Variants in SLC4A4 observed in about 807,000 individuals in gnomAD.
SLC4A4 encodes the protein electrogenic sodium bicarbonate cotransporter 1.
A neutral mutation model predicts 111.5 loss-of-function variants in SLC4A4; 27 were observed. The observed-to-expected ratio is 0.24, with a 90% confidence interval of 0.18 to 0.33. The LOEUF is 0.33. Ranked by LOEUF, SLC4A4 falls within the 10% of genes least tolerant of loss-of-function variation. SLC4A4 has a pLI of 1.00. For synonymous variants in SLC4A4, 443 were observed against 463.4 expected, an observed-to-expected ratio of 0.96 and a Z score of 0.57; for missense variants, 909 against 1,315.5, an observed-to-expected ratio of 0.69 and a Z score of 4.78.
intron 7 of SLC4A4, among the ~76,000 whole-genome samples, chr4:71,413,698 G>T (rs1721596282): frequency 1.3e-5 from 2 of 152,294 alleles, no homozygotes; most frequent in African/African-American, 4.8e-5. Context: ...GGCGCTTGTT[G>T]CTGTTCTAGA....
intron 8 of SLC4A4, 62 bp downstream of exon 8, chr4:71,440,835 G>T: frequency 6.4e-7 from 1 of 1,560,088 alleles, no homozygotes; most frequent in East Asian, 2.2e-5. Flanking sequence ...TCCCATTCAG[G>T]CTGGAGAATC....
At chr4:71,074,615 G>C (rs1361465637) in intron 1 of SLC4A4, among the ~76,000 whole-genome samples, 4 of 151,502 alleles carry the variant, frequency 2.6e-5, no homozygotes, top group Admixed American at 6.6e-5. Context: ...AAGGAAAGAG[G>C]AAAGGAAGAA....
chr4:71,367,892 T>C (rs991121399), intron 6 of SLC4A4, among the ~76,000 whole-genome samples: 6 of 152,214 alleles, frequency 3.9e-5, no homozygotes, highest in African/African-American at 1.4e-4. Context: ...AATGATTCAC[T>C]TTAAACCTTG....
chr4:71,146,207 C>T (rs891167721), intron 2 of SLC4A4, among the ~76,000 whole-genome samples: 50 of 152,144 alleles, frequency 3.3e-4, no homozygotes, highest in African/African-American at 1.1e-3. Context: ...TATTATGTAC[C>T]CAGTAGTCAT....
In SLC4A4 at chr4:71,357,081, G is replaced by C. The variant is rs1272352669; in HGVS notation, c.624G>C (p.Leu208Phe). 3.7e-6 allele frequency: 6 copies of C among 1,614,066 alleles called. No homozygotes were observed. The highest frequency in any genetic ancestry group is 5.1e-6 in the Non-Finnish European group (6 of 1,179,986). ...PELKDKVTYT[L>F]LRKHRHQTKK... Reference sequence around the variant, plus strand: ...TTAAGGATAAGGTGACCTATACTTTGCTCCGGAAGCACCGGCATCAAACCA... The same window carrying C: ...TTAAGGATAAGGTGACCTATACTTTCCTCCGGAAGCACCGGCATCAAACCA... Residue 208 changes from leucine (L) to phenylalanine (F), a missense_variant, in exon 6 of 26, where the codon TTG (leucine) becomes TTC (phenylalanine). Leu to Phe is a conservative substitution (Grantham distance 22). Around this residue, in one of 7 missense-constraint regions of SLC4A4, gnomAD observed 312 missense variants for 402.0 expected, o/e 0.78. Transcript: ENST00000264485.
intron 3 of SLC4A4, among the ~76,000 whole-genome samples, chr4:71,330,043 C>T (rs1727837764): frequency 1.3e-5 from 2 of 152,090 alleles, no homozygotes; most frequent in East Asian, 1.9e-4. Context: ...TTATCAAATG[C>T]TTTTTCAGCA....
chr4:71,420,065 G>A lies in SLC4A4; in HGVS notation c.808-20551G>A, dbSNP rs189547991. Among the ~76,000 whole-genome samples the A allele has an allele frequency of 8.7e-4, 132 of 152,236 alleles. 1 individual carries two copies. In the East Asian group the frequency reaches 0.024, roughly 28 times the overall value. On this transcript the variant is annotated intron_variant, in intron 7 of 25. Transcript: ENST00000264485. ...GCTACCGGAGGAAATTCAAACCAAA[G>A]GCAAAGAAGTTAAAAACTTTGAAAC... is the stretch of plus-strand genomic sequence containing the variant.
chr4:71,180,180 C>G (rs868841085), intron 2 of SLC4A4, among the ~76,000 whole-genome samples: 2 of 152,174 alleles, frequency 1.3e-5, no homozygotes, highest in African/African-American at 4.8e-5. Flanking sequence ...CCCTTCCTTA[C>G]ACCTTATACA....
At chr4:71,229,790 G>C (rs1719286338) in intron 1 of SLC4A4, among the ~76,000 whole-genome samples, 1 of 150,666 alleles carries the variant, frequency 6.6e-6, no homozygotes, top group African/African-American at 2.5e-5. Flanking sequence ...GGAATGAAAG[G>C]CCTTCTTAGA....
rs144921614 is a variant in SLC4A4, at chr4:71,160,876, G to C, written c.-2+68084G>C. ...ACACATTCCTTTCACATATGGACTA[G>C]ATTATAAAAATGAGGCTTCGATAAG... On this transcript the variant is annotated intron_variant, in intron 2 of 26. Transcript: ENST00000649996. 4.1e-3 allele frequency among the ~76,000 whole-genome samples: 623 copies of C among 152,210 alleles called. 7 individuals are homozygous for C. The highest frequency in any genetic ancestry group is 0.014 in the African/African-American group (583 of 41,514).
chr4:71,296,934 C>A (rs1205979911), intron 3 of SLC4A4, among the ~76,000 whole-genome samples: 1 of 152,142 alleles, frequency 6.6e-6, no homozygotes, highest in Non-Finnish European at 1.5e-5. Flanking sequence ...TAAAGTATTA[C>A]TGGAAAAAAA....
chr4:71,299,715 G>A (rs972975403), intron 3 of SLC4A4, among the ~76,000 whole-genome samples: 8 of 152,154 alleles, frequency 5.3e-5, no homozygotes, highest in Non-Finnish European at 8.8e-5. Context: ...GGAACTGAGG[G>A]AGATTGTCAG....
intron 2 of SLC4A4, among the ~76,000 whole-genome samples, chr4:71,169,939 T>TC (rs1744888451): frequency 6.6e-6 from 1 of 152,196 alleles, no homozygotes; most frequent in Admixed American, 6.5e-5. Context: ...TCTCCAAACC[T>TC]CATTTCATCA....
chr4:71,395,449 T>C (rs1719735042), intron 6 of SLC4A4, among the ~76,000 whole-genome samples: 1 of 152,242 alleles, frequency 6.6e-6, no homozygotes, highest in African/African-American at 2.4e-5. Context: ...CTTCCTCATC[T>C]GGTTCCTGCA....
intron 12 of SLC4A4, among the ~76,000 whole-genome samples, chr4:71,460,504 T>G (rs1216777275): frequency 2.0e-5 from 3 of 152,178 alleles, no homozygotes. Context: ...AAGTCTTGCC[T>G]CTTTTTCATT....
chr4:71,214,863 G>T (rs866930856), intron 1 of SLC4A4, among the ~76,000 whole-genome samples: 1 of 152,102 alleles, frequency 6.6e-6, no homozygotes, highest in South Asian at 2.1e-4. Context: ...CTCCAACCCT[G>T]GTTTAGAACC....
At chr4:71,173,080 T>A (rs376757424) in intron 2 of SLC4A4, among the ~76,000 whole-genome samples, 1 of 152,128 alleles carries the variant, frequency 6.6e-6, no homozygotes, top group Non-Finnish European at 1.5e-5. Flanking sequence ...GTGCACCCCA[T>A]AGGAAGGACT....
chr4:71,212,194 C>T (rs898610551), intron 1 of SLC4A4, among the ~76,000 whole-genome samples: 3 of 152,238 alleles, frequency 2.0e-5, no homozygotes, highest in Admixed American at 6.5e-5. Flanking sequence ...CTAATTTTCC[C>T]CTAAAATTTT....
Position 71,560,492 on chromosome 4 carries a change from C to T in SLC4A4, c.3099+238C>T, listed in dbSNP as rs1215957999. Among the ~76,000 whole-genome samples the T allele has an allele frequency of 3.3e-5, 5 of 151,510 alleles. No homozygotes were observed. The East Asian group carries it at 9.7e-4, about 30-fold the overall frequency. On this transcript the variant is annotated intron_variant, in intron 23 of 25. Coordinates refer to ENST00000264485, the MANE Select transcript of SLC4A4 (RefSeq NM_001098484.3). ...ATGACATAATGACTAATAATGACTT[C>T]TAAAAAATTTAAAAACCCACCACAT...
Sources: allele counts gnomAD v4.1 joint callset (sites outside exome capture counted in the v4.1 genomes callset), GRCh38; gene constraint gnomAD v4.1.1; regional missense constraint gnomAD v4.1.1; transcripts MANE v1.5; gene names NCBI Gene and HGNC (gene_info 2026-07-23, HGNC 2026-07-21).